The following CNTN5 variants were observed in gnomAD, a reference collection of about 807,000 sequenced individuals.
CNTN5 encodes contactin-5.
A neutral mutation model predicts 129.1 loss-of-function variants in CNTN5; 77 were observed. The ratio of observed to expected loss-of-function variants is 0.60; its 90% CI spans 0.50 to 0.72. The LOEUF (loss-of-function observed/expected upper bound fraction) is 0.72. CNTN5 is among the 30% of genes least tolerant of loss of function. CNTN5 has a pLI of 0.00. For missense variants in CNTN5, 1,478 were observed against 1,328.8 expected, an observed-to-expected ratio of 1.11 and a Z score of -1.75; for synonymous variants, 509 against 465.6, an observed-to-expected ratio of 1.09 and a Z score of -1.20.
At chr11:99,082,709 T>C (rs1419569102) in intron 1 of CNTN5, among the ~76,000 whole-genome samples, 2 of 152,206 alleles carry the variant, frequency 1.3e-5, no homozygotes, top group Non-Finnish European at 2.9e-5. Context: ...AAGAAATATA[T>C]GTGAACTATA....
chr11:100,062,872 A>G (rs1295912202), intron 10 of CNTN5, among the ~76,000 whole-genome samples: 1 of 152,194 alleles, frequency 6.6e-6, no homozygotes, highest in Non-Finnish European at 1.5e-5. Context: ...GCCATAGGGA[A>G]AAGTTTTTTT....
chr11:99,462,763 G>T (rs186121925), intron 2 of CNTN5, among the ~76,000 whole-genome samples: 1 of 152,066 alleles, frequency 6.6e-6, no homozygotes, highest in African/African-American at 2.4e-5. Flanking sequence ...GATTAGGACT[G>T]CAGGAGTAGG....
chr11:99,690,445 C>T (rs1281652009), intron 3 of CNTN5, among the ~76,000 whole-genome samples: 3 of 151,976 alleles, frequency 2.0e-5, no homozygotes, highest in Non-Finnish European at 4.4e-5. Flanking sequence ...TCTGGCTATT[C>T]GGGCTCTTTC....
chr11:100,337,078 C>G (rs1433720173), intron 21 of CNTN5: 1 of 1,304,364 alleles, frequency 7.7e-7, no homozygotes, highest in Non-Finnish European at 1.1e-6. Context: ...ACAAATCACT[C>G]TTGTAGGGAT....
At chr11:99,142,145 C>G (rs1320918790) in intron 1 of CNTN5, among the ~76,000 whole-genome samples, 1 of 152,096 alleles carries the variant, frequency 6.6e-6, no homozygotes, top group Non-Finnish European at 1.5e-5. Flanking sequence ...CAGGCCCACA[C>G]CTTTGTTCTC....
chr11:99,151,794 AAC>A (rs1411831171), intron 1 of CNTN5, among the ~76,000 whole-genome samples: 2 of 152,090 alleles, frequency 1.3e-5, no homozygotes, highest in African/African-American at 4.8e-5. Context: ...TCAGCAAACT[AAC>A]ACAGAAACAG....
intron 7 of CNTN5, among the ~76,000 whole-genome samples, chr11:99,927,785 C>T (rs929945901): frequency 6.6e-6 from 1 of 152,162 alleles, no homozygotes; most frequent in Non-Finnish European, 1.5e-5. Flanking sequence ...TATTCCACCT[C>T]TGGCCCCTCT....
chr11:99,742,289 TG>T (rs1437746640), intron 3 of CNTN5, among the ~76,000 whole-genome samples: 1 of 152,190 alleles, frequency 6.6e-6, no homozygotes, highest in African/African-American at 2.4e-5. Flanking sequence ...ATGCTTATCA[TG>T]TAGAAAGATT....
At chr11:99,382,077 A>C (rs1032383901) in intron 2 of CNTN5, among the ~76,000 whole-genome samples, 1 of 93,784 alleles carries the variant, frequency 1.1e-5, no homozygotes, top group Non-Finnish European at 3.1e-5. Context: ...CAAATGCCTC[A>C]GGGAAAAATC....
intron 2 of CNTN5, among the ~76,000 whole-genome samples, chr11:99,524,276 G>A (rs1201467639): frequency 6.6e-6 from 1 of 151,922 alleles, no homozygotes; most frequent in Non-Finnish European, 1.5e-5. Flanking sequence ...TAAAATTTCT[G>A]ATTATACAAG....
intron 1 of CNTN5, among the ~76,000 whole-genome samples, chr11:99,171,195 T>C (rs1011829979): frequency 2.0e-5 from 3 of 152,176 alleles, no homozygotes; most frequent in Admixed American, 6.5e-5. Flanking sequence ...TATTTAAAAA[T>C]GTATTTCATA....
chr11:99,437,456 T>G (rs2135131632), intron 2 of CNTN5, among the ~76,000 whole-genome samples: 1 of 152,340 alleles, frequency 6.6e-6, no homozygotes, highest in East Asian at 1.9e-4. Context: ...TTAAGGTCAA[T>G]AGCAGAAAAC....
At chr11:100,152,146 G>C (rs182830665) in intron 13 of CNTN5, among the ~76,000 whole-genome samples, 1 of 152,118 alleles carries the variant, frequency 6.6e-6, no homozygotes, top group Non-Finnish European at 1.5e-5. Flanking sequence ...TGCCTGAATT[G>C]TTGTGACTTC....
intron 9 of CNTN5, among the ~76,000 whole-genome samples, chr11:100,042,911 G>C (rs764767276): frequency 6.6e-6 from 1 of 152,156 alleles, no homozygotes; most frequent in Non-Finnish European, 1.5e-5. Context: ...CAAATGTGTA[G>C]TTGAACAGAT....
chr11:99,495,693 A>C (rs1439469731), intron 2 of CNTN5, among the ~76,000 whole-genome samples: 1 of 152,198 alleles, frequency 6.6e-6, no homozygotes, highest in East Asian at 1.9e-4. Context: ...TTTATCCTTT[A>C]AAAAAGCCAC....
chr11:99,688,663 T>C (rs1008512222), intron 3 of CNTN5, among the ~76,000 whole-genome samples: 1 of 152,164 alleles, frequency 6.6e-6, no homozygotes, highest in Admixed American at 6.5e-5. Context: ...TTTTGTTACA[T>C]AGGTAAACAT....
chr11:100,283,077 C>A (rs116130552), intron 18 of CNTN5, among the ~76,000 whole-genome samples: 3,080 of 152,306 alleles, frequency 0.02, 110 homozygotes, highest in African/African-American at 0.07. Context: ...TAGTTCTCTA[C>A]ACCTCTGTGG....
chr11:100,095,254 T>C (rs1240986740), intron 13 of CNTN5, among the ~76,000 whole-genome samples: 1 of 152,146 alleles, frequency 6.6e-6, no homozygotes, highest in East Asian at 1.9e-4. Flanking sequence ...ACTATGTTTT[T>C]ATGTGGAAGA....
At chr11:100,326,234 T>G (rs1056482861) in intron 21 of CNTN5, among the ~76,000 whole-genome samples, 1 of 152,008 alleles carries the variant, frequency 6.6e-6, no homozygotes, top group African/African-American at 2.4e-5. Flanking sequence ...ATGGTAGACG[T>G]GAAAGACAGA....
Sources: gnomAD v4.1 joint callset for allele counts (sites outside exome capture counted in the v4.1 genomes callset) on GRCh38, gnomAD v4.1.1 for gene constraint, MANE v1.5 for transcripts, NCBI Gene and HGNC (gene_info 2026-07-23, HGNC 2026-07-21) for gene names.